The following AKAP13 variants were observed in gnomAD, a reference collection of about 807,000 sequenced individuals.
The protein encoded by AKAP13 is A-kinase anchoring protein 13.
A neutral mutation model predicts 264.5 loss-of-function variants in AKAP13; 80 were observed. The ratio of observed to expected loss-of-function variants is 0.30; its 90% CI spans 0.25 to 0.36. AKAP13 has a LOEUF of 0.36. Among genes scored for constraint, AKAP13 ranks in the 10% least tolerant of loss-of-function variants. AKAP13 has a pLI of 1.00. For missense variants in AKAP13, 3,712 were observed against 3,435.2 expected (o/e 1.08, Z -2.01); for synonymous variants, 1,380 against 1,250.2 (o/e 1.10, Z -2.19).
intron 1 of AKAP13, among the ~76,000 whole-genome samples, chr15:85,427,177 G>T (rs1007356608): frequency 2.6e-5 from 4 of 151,754 alleles, no homozygotes; most frequent in African/African-American, 9.7e-5. Context: ...GGACGGTCTC[G>T]ATCTCATGTC....
At chr15:85,458,835 C>G (rs1477743766) in intron 1 of AKAP13, among the ~76,000 whole-genome samples, 1 of 152,170 alleles carries the variant, frequency 6.6e-6, no homozygotes, top group African/African-American at 2.4e-5. Flanking sequence ...AAGCATCAAT[C>G]TTACTGTGTT....
intron 10 of AKAP13, among the ~76,000 whole-genome samples, chr15:85,650,594 A>C (rs2082758970): frequency 6.6e-6 from 1 of 151,170 alleles, no homozygotes; most frequent in South Asian, 2.1e-4. Flanking sequence ...CATCTCTATT[A>C]AAAATACAAA....
chr15:85,546,932 C>T (rs1306875122), intron 5 of AKAP13, among the ~76,000 whole-genome samples: 4 of 151,842 alleles, frequency 2.6e-5, no homozygotes, highest in African/African-American at 4.8e-5. Flanking sequence ...TTAGTAGAGA[C>T]GGGGTTTCAC....
At position 85,518,643 on chromosome 15, in the gene AKAP13, G is replaced by A. The variant is rs146924599; in HGVS notation, c.34-2785G>A. Among the ~76,000 whole-genome samples, 262 of 152,244 alleles carry A rather than the reference G, an allele frequency of 1.7e-3. 1 individual carries two copies. The highest frequency in any genetic ancestry group is 3.3e-3 in the Non-Finnish European group (223 of 68,024). On this transcript the variant is annotated intron_variant, in intron 2 of 36. Coordinates refer to ENST00000394518, the MANE Select transcript of AKAP13 (RefSeq NM_007200.5). ...AGTTCAGGAGTTTGAGACCATCCTG[G>A]GCAACATAGGGATACCTGATCTCTA...
At position 85,744,832 on chromosome 15, in the gene AKAP13, G is replaced by GGACA; in HGVS notation, c.*155_*156insGACA. On this transcript the variant is annotated 3_prime_UTR_variant, in exon 37 of 37. Coordinates refer to ENST00000394518, the MANE Select transcript of AKAP13 (RefSeq NM_007200.5). ...CCCAGGTCCTGGACAATAAGCAACA[G>GGACA]ATGATATTGAGTGTCGGGTGGGGAA... The GGACA allele has an allele frequency of 1.6e-6, 1 of 611,278 alleles. No homozygotes were observed. The highest frequency in any genetic ancestry group is 2.8e-6 in the Non-Finnish European group (1 of 361,324). 37.9% of individuals were successfully genotyped at this position (611,278 alleles called of 1,614,324 possible).
At chr15:85,707,986 G>C in intron 17 of AKAP13, 33 bp from the exon 18 acceptor site, 2 of 1,611,258 alleles carry the variant, frequency 1.2e-6, no homozygotes, top group Non-Finnish European at 1.7e-6. Flanking sequence ...TGTTTGCTTT[G>C]TCCATGTGAC....
intron 14 of AKAP13, among the ~76,000 whole-genome samples, chr15:85,676,450 A>G (rs1017061163): frequency 4.6e-5 from 7 of 152,214 alleles, no homozygotes. Context: ...GTCTGCAGGA[A>G]AAGATAAGTT....
At chr15:85,675,413 ATAGG>A (rs1239403478) in intron 14 of AKAP13, among the ~76,000 whole-genome samples, 6 of 152,220 alleles carry the variant, frequency 3.9e-5, no homozygotes, top group African/African-American at 1.2e-4. Flanking sequence ...GGCTTTCATA[ATAGG>A]TAGGTACAGG....
At chr15:85,466,127 GT>G (rs1238327340) in intron 1 of AKAP13, among the ~76,000 whole-genome samples, 1 of 151,786 alleles carries the variant, frequency 6.6e-6, no homozygotes, top group African/African-American at 2.4e-5. Context: ...TTTTTCATGT[GT>G]TTTTTGGCTG....
chr15:85,682,378 CTTAAAG>C (rs1327190560), intron 15 of AKAP13, among the ~76,000 whole-genome samples, 166 bp downstream of exon 15: 4 of 152,094 alleles, frequency 2.6e-5, no homozygotes, highest in African/African-American at 7.2e-5. Flanking sequence ...AAGGCTATAC[CTTAAAG>C]TTAATGTCTT....
chr15:85,737,596 A>T (rs937302517), intron 33 of AKAP13, among the ~76,000 whole-genome samples: 1 of 152,192 alleles, frequency 6.6e-6, no homozygotes, highest in African/African-American at 2.4e-5. Flanking sequence ...TTGTTGCCAC[A>T]AAAGTCTAAA....
chr15:85,426,950 G>C (rs2344435), intron 1 of AKAP13, among the ~76,000 whole-genome samples: 4 of 128,488 alleles, frequency 3.1e-5, no homozygotes, highest in Admixed American at 2.4e-4. Flanking sequence ...GTATTGTTTT[G>C]TTTTGTTTTT....
chr15:85,690,862 A>G (rs577804738), intron 16 of AKAP13, among the ~76,000 whole-genome samples: 1 of 152,324 alleles, frequency 6.6e-6, no homozygotes, highest in South Asian at 2.1e-4. Context: ...GTGGCCTCAA[A>G]TGCATTATTA....
intron 8 of AKAP13, chr15:85,619,281 A>G: frequency 1.3e-6 from 1 of 798,558 alleles, no homozygotes; most frequent in Non-Finnish European, 1.5e-6. Flanking sequence ...GCGGGTGCGG[A>G]GCTGAAAGGG....
chr15:85,697,547 TG>T (rs1276768895), intron 17 of AKAP13, among the ~76,000 whole-genome samples: 2 of 152,076 alleles, frequency 1.3e-5, no homozygotes, highest in Non-Finnish European at 2.9e-5. Context: ...CCAGTCTGGG[TG>T]ACATAGCGAG....
rs1233929422 is a variant in AKAP13 at position 85,580,637 on chromosome 15, C to T, written c.2569C>T (p.Gln857Ter). The T allele has an allele frequency of 6.2e-7, 1 of 1,614,212 alleles. No homozygotes were observed. Among genetic ancestry groups the T allele is most frequent in the Admixed American group, 1.7e-5 (1 of 60,026 alleles). ...CACATCCTCCACTGCTGCAGAGCTT[C>T]AGCACGGGATGGGGAATACCAGTCT... is the stretch of plus-strand genomic sequence containing the variant. ...LSTSSTAAEL[Q>*]HGMGNTSLTG... The change falls in exon 7 of 37, where the codon CAG (glutamine) becomes TAG (stop). Residue 857 changes from glutamine (Q) to a stop codon, truncating the protein, a stop_gained. Coordinates refer to ENST00000394518, the MANE Select transcript of AKAP13 (RefSeq NM_007200.5). LOFTEE classifies it high-confidence loss of function.
chr15:85,487,814 G>A (rs1056932891), intron 2 of AKAP13, among the ~76,000 whole-genome samples: 2 of 149,348 alleles, frequency 1.3e-5, no homozygotes, highest in African/African-American at 5.0e-5. Context: ...TCACAGCATC[G>A]TGGAACTCCT....
chr15:85,424,183 C>T (rs990644610), intron 1 of AKAP13, among the ~76,000 whole-genome samples: 13 of 152,166 alleles, frequency 8.5e-5, no homozygotes, highest in Non-Finnish European at 1.6e-4. Flanking sequence ...GGTTTTGAAG[C>T]CAGGCTTTGA....
intron 1 of AKAP13, among the ~76,000 whole-genome samples, chr15:85,479,748 T>G (rs1010986154): frequency 1.3e-5 from 2 of 152,172 alleles, no homozygotes; most frequent in African/African-American, 4.8e-5. Flanking sequence ...ATGTTGGGCC[T>G]GTGACTCCCC....
Sources: allele counts gnomAD v4.1 joint callset (sites outside exome capture counted in the v4.1 genomes callset), GRCh38; gene constraint gnomAD v4.1.1; transcripts MANE v1.5; gene names NCBI Gene and HGNC (gene_info 2026-07-23, HGNC 2026-07-21).